The following IGFL2 variants were observed in gnomAD, a reference collection of about 807,000 sequenced individuals.
IGFL2 encodes the protein IGF like family member 2, also known as insulin growth factor-like family member 2.
In IGFL2, 7 loss-of-function variants were observed where a neutral mutation model predicts 13.9. The observed-to-expected ratio is 0.51, with a 90% CI of 0.29 to 0.95. The LOEUF (loss-of-function observed/expected upper bound fraction) is 0.95, where lower values mean the gene tolerates loss of function less well. Ranked by LOEUF, IGFL2 falls within the 40% of genes least tolerant of loss-of-function variation. IGFL2 has a pLI of 0.08. For missense variants in IGFL2, 138 were observed against 147.8 expected (o/e 0.93, Z 0.34); for synonymous variants, 55 against 55.8 (o/e 0.99, Z 0.07).
At chr19:46,106,794 G>T in the IGFL2 span, among the ~76,000 whole-genome samples, 835 of 152,234 alleles carry the variant, frequency 5.5e-3, 13 homozygotes, top group African/African-American at 0.019. Flanking sequence ...TGTGGGATGG[G>T]ATATTGGCGT....
intron 1 of IGFL2, among the ~76,000 whole-genome samples, chr19:46,155,705 T>TA (rs1267066649): frequency 1.3e-5 from 2 of 152,210 alleles, no homozygotes; most frequent in African/African-American, 2.4e-5. Context: ...AGGGTCAAGA[T>TA]ACATTCCCCC....
upstream of IGFL2, among the ~76,000 whole-genome samples, chr19:46,140,204 C>T (rs1458831489): frequency 6.6e-6 from 1 of 151,564 alleles, no homozygotes; most frequent in Non-Finnish European, 1.5e-5. Flanking sequence ...ACCTCAGCCT[C>T]CGAAGTGCTG....
chr19:46,134,249 A>G, the IGFL2 span, among the ~76,000 whole-genome samples: 1 of 152,122 alleles, frequency 6.6e-6, no homozygotes, highest in Non-Finnish European at 1.5e-5. Context: ...GCAATGAGGT[A>G]GTGGCGTGGG....
chr19:46,134,070 G>A, the IGFL2 span, among the ~76,000 whole-genome samples: 4 of 152,094 alleles, frequency 2.6e-5, no homozygotes, highest in East Asian at 1.9e-4. Flanking sequence ...AGAGGTATAC[G>A]GTATGCAGGT....
chr19:46,122,661 T>C, the IGFL2 span, among the ~76,000 whole-genome samples: 1 of 151,160 alleles, frequency 6.6e-6, no homozygotes, highest in East Asian at 2.0e-4. Flanking sequence ...TTCTGTAAGT[T>C]ACATTCGGTT....
chr19:46,080,398 A>T, the IGFL2 span, among the ~76,000 whole-genome samples: 93 of 147,358 alleles, frequency 6.3e-4, 2 homozygotes, highest in African/African-American at 2.2e-3. Flanking sequence ...TTTTTAAAAT[A>T]AAAAAAAGAA....
At chr19:46,117,714 C>T in the IGFL2 span, among the ~76,000 whole-genome samples, 2 of 152,126 alleles carry the variant, frequency 1.3e-5, no homozygotes, top group Admixed American at 6.5e-5. Flanking sequence ...CTCTTGACCT[C>T]GTGATCCACC....
At chr19:46,160,546 C>T in intron 2 of IGFL2, 68 bp from the exon 3 acceptor site, 1 of 1,612,666 alleles carries the variant, frequency 6.2e-7, no homozygotes, top group Non-Finnish European at 8.5e-7. Flanking sequence ...ACAGAGGGCT[C>T]CTGATTGGGG....
intron 1 of IGFL2, 119 bp downstream of exon 1, chr19:46,148,416 C>A: frequency 1.1e-6 from 1 of 884,044 alleles, no homozygotes; most frequent in Non-Finnish European, 1.8e-6. Flanking sequence ...CTCATAATCA[C>A]CCGTGTCCTC....
the IGFL2 span, among the ~76,000 whole-genome samples, chr19:46,121,711 ATGTAGGTAAAGAAAGG>A: frequency 6.6e-6 from 1 of 150,938 alleles, no homozygotes; most frequent in Non-Finnish European, 1.5e-5. Context: ...TTTTTAGAAA[ATGTAGGTAAAGAAAGG>A]CAGATTTTTT....
At chr19:46,194,532 C>T in the IGFL2 span, among the ~76,000 whole-genome samples, 2 of 152,044 alleles carry the variant, frequency 1.3e-5, no homozygotes, top group Non-Finnish European at 2.9e-5. Context: ...AAGCAAAAAC[C>T]AATCAAGGGC....
the IGFL2 span, among the ~76,000 whole-genome samples, chr19:46,100,675 G>A: frequency 6.6e-6 from 1 of 152,146 alleles, no homozygotes; most frequent in African/African-American, 2.4e-5. Context: ...ATCCTTGTGG[G>A]CAAATATGGG....
At chr19:46,168,424 C>T in the IGFL2 span, among the ~76,000 whole-genome samples, 53 of 152,250 alleles carry the variant, frequency 3.5e-4, no homozygotes, top group East Asian at 9.3e-3. Context: ...AATTTTCAGG[C>T]CCAGAGAGGC....
At chr19:46,087,694 G>A in the IGFL2 span, among the ~76,000 whole-genome samples, 1 of 152,260 alleles carries the variant, frequency 6.6e-6, no homozygotes, top group African/African-American at 2.4e-5. Flanking sequence ...CCTGCAAGTG[G>A]CAGCAGGCAG....
chr19:46,081,544 C>T, the IGFL2 span, among the ~76,000 whole-genome samples: 1 of 152,164 alleles, frequency 6.6e-6, no homozygotes. Context: ...CTCCTCTATT[C>T]TAGGATAGTT....
chr19:46,205,760 C>CTGGT, the IGFL2 span, among the ~76,000 whole-genome samples: 2 of 152,186 alleles, frequency 1.3e-5, no homozygotes, highest in Non-Finnish European at 2.9e-5. Context: ...TTACCAGTGT[C>CTGGT]AGCACTCCCC....
the IGFL2 span, among the ~76,000 whole-genome samples, chr19:46,132,764 A>C: frequency 6.7e-6 from 1 of 148,526 alleles, no homozygotes; most frequent in Admixed American, 6.7e-5. Context: ...AGGAGGGAGA[A>C]AGGGAGGGAG....
the IGFL2 span, among the ~76,000 whole-genome samples, chr19:46,130,268 G>C: frequency 6.6e-6 from 1 of 152,020 alleles, no homozygotes; most frequent in Non-Finnish European, 1.5e-5. Context: ...GAGATGGACT[G>C]CATGCAGTTT....
the IGFL2 span, among the ~76,000 whole-genome samples, chr19:46,102,991 T>C: frequency 6.6e-6 from 1 of 152,162 alleles, no homozygotes. Flanking sequence ...AGAATGGTGA[T>C]GGCCTGGATG....
Sources: allele counts gnomAD v4.1 joint callset (sites outside exome capture counted in the v4.1 genomes callset), GRCh38; gene constraint gnomAD v4.1.1; transcripts MANE v1.5; gene names NCBI Gene and HGNC (gene_info 2026-07-23, HGNC 2026-07-21).